The following NLGN1 variants were observed in gnomAD, a reference collection of about 807,000 sequenced individuals.
NLGN1 encodes the protein neuroligin-1.
Under a neutral mutation model 65.5 loss-of-function variants are expected in NLGN1, and 12 were observed. The observed-to-expected ratio is 0.18, with a 90% CI of 0.12 to 0.30. The LOEUF (loss-of-function observed/expected upper bound fraction) is 0.30. Among genes scored for constraint, NLGN1 ranks in the 10% least tolerant of loss-of-function variants. The pLI, the probability that NLGN1 is intolerant of heterozygous loss-of-function variation, is 1.00. For synonymous variants in NLGN1, 350 were observed against 359.5 expected (o/e 0.97, Z 0.30); for missense variants, 750 against 1,007.1 (o/e 0.74, Z 3.46).
intron 3 of NLGN1, among the ~76,000 whole-genome samples, chr3:173,671,476 GA>G (rs1762441055): frequency 6.6e-6 from 1 of 151,902 alleles, no homozygotes; most frequent in Non-Finnish European, 1.5e-5. Context: ...AGAAGAAGAA[GA>G]AAAAAGAATT....
chr3:173,450,257 G>C (rs1453517199), intron 2 of NLGN1, among the ~76,000 whole-genome samples: 1 of 152,036 alleles, frequency 6.6e-6, no homozygotes, highest in Non-Finnish European at 1.5e-5. Context: ...GGGCAGGCCT[G>C]GTGGTGACAA....
At chr3:173,960,900 C>T (rs1713390130) in intron 4 of NLGN1, among the ~76,000 whole-genome samples, 1 of 151,890 alleles carries the variant, frequency 6.6e-6, no homozygotes, top group Non-Finnish European at 1.5e-5. Context: ...ATATACTTTA[C>T]AGATTATCAA....
At chr3:174,185,411 A>G (rs980798042) in intron 4 of NLGN1, among the ~76,000 whole-genome samples, 2 of 152,122 alleles carry the variant, frequency 1.3e-5, no homozygotes, top group African/African-American at 4.8e-5. Context: ...AACGCTTGAA[A>G]TGTGGCTGAT....
intron 4 of NLGN1, among the ~76,000 whole-genome samples, chr3:173,919,630 A>C (rs1741536079): frequency 6.6e-6 from 1 of 152,186 alleles, no homozygotes; most frequent in Admixed American, 6.5e-5. Flanking sequence ...TCTGTCTATA[A>C]CTCATTGTAT....
At position 173,502,419 on chromosome 3, in the gene NLGN1, G is replaced by A. The variant is rs1347013488; in HGVS notation, c.-321+67341G>A. ...CAAATTAAGTTGATTTGAGGTTTGTGCTGTGTCAAGCTATGTATATAATAA... is the reference window on the plus strand; with the variant it reads ...CAAATTAAGTTGATTTGAGGTTTGTACTGTGTCAAGCTATGTATATAATAA... On this transcript the variant is annotated intron_variant, in intron 2 of 6. Coordinates refer to ENST00000457714, the Ensembl canonical transcript of NLGN1. 3.3e-5 allele frequency among the ~76,000 whole-genome samples: 5 copies of A among 152,204 alleles called. No individual in the cohort carries two copies. In the East Asian group the frequency reaches 9.7e-4, roughly 29 times the overall value.
intron 3 of NLGN1, among the ~76,000 whole-genome samples, chr3:173,627,030 C>T (rs1441428480): frequency 6.6e-6 from 1 of 152,072 alleles, no homozygotes; most frequent in African/African-American, 2.4e-5. Flanking sequence ...AAGACTGGCT[C>T]ATAAGTAAAC....
intron 3 of NLGN1, among the ~76,000 whole-genome samples, chr3:173,692,778 A>G (rs1019509762): frequency 6.6e-6 from 1 of 152,142 alleles, no homozygotes; most frequent in Non-Finnish European, 1.5e-5. Context: ...AGAAGTCTTT[A>G]GCTGCATTAC....
At chr3:173,656,424 A>T (rs769429737) in intron 3 of NLGN1, among the ~76,000 whole-genome samples, 5 of 152,110 alleles carry the variant, frequency 3.3e-5, no homozygotes, top group Admixed American at 6.6e-5. Context: ...AGCTTTTGCA[A>T]AACATACAGA....
At chr3:174,173,750 A>C (rs1728961235) in intron 4 of NLGN1, among the ~76,000 whole-genome samples, 1 of 151,362 alleles carries the variant, frequency 6.6e-6, no homozygotes, top group Non-Finnish European at 1.5e-5. Flanking sequence ...TCTTTAATTT[A>C]ATCAGCAAAA....
At chr3:173,718,319 GGT>G (rs1274939607) in intron 3 of NLGN1, among the ~76,000 whole-genome samples, 2 of 151,878 alleles carry the variant, frequency 1.3e-5, no homozygotes, top group African/African-American at 2.4e-5. Context: ...CTACCCTTCT[GGT>G]AACCATCATT....
At chr3:173,495,426 A>T (rs1729846150) in intron 2 of NLGN1, among the ~76,000 whole-genome samples, 2 of 151,590 alleles carry the variant, frequency 1.3e-5, no homozygotes, top group Non-Finnish European at 2.9e-5. Flanking sequence ...ATCATTAGGA[A>T]ATATAGGTGG....
At chr3:173,821,703 C>T (rs1720335889) in intron 4 of NLGN1, among the ~76,000 whole-genome samples, 1 of 152,056 alleles carries the variant, frequency 6.6e-6, no homozygotes, top group Non-Finnish European at 1.5e-5. Flanking sequence ...TTTACAGAGA[C>T]CACAGATCAG....
intron 2 of NLGN1, among the ~76,000 whole-genome samples, chr3:173,477,439 T>C (rs918947401): frequency 9.9e-5 from 15 of 152,108 alleles, no homozygotes; most frequent in African/African-American, 3.6e-4. Context: ...TCCTAACTAC[T>C]CAGGAGGCTG....
chr3:173,855,262 G>T (rs1026061601), intron 4 of NLGN1, among the ~76,000 whole-genome samples: 5 of 151,880 alleles, frequency 3.3e-5, no homozygotes, highest in African/African-American at 1.2e-4. Flanking sequence ...ATCTTTTAAA[G>T]GATAATTACA....
intron 4 of NLGN1, among the ~76,000 whole-genome samples, chr3:173,856,016 C>G (rs932298785): frequency 6.6e-6 from 1 of 152,086 alleles, no homozygotes; most frequent in Non-Finnish European, 1.5e-5. Context: ...GGACTTATTT[C>G]TCTCCTAAAA....
chr3:174,177,126 A>C lies in NLGN1; in HGVS notation c.647-98189A>C, dbSNP rs574640340. Among the ~76,000 whole-genome samples the C allele has an allele frequency of 2.0e-5, 3 of 152,244 alleles. No homozygotes were observed. In the South Asian group the frequency reaches 6.2e-4, roughly 32 times the overall value. On this transcript the variant is annotated intron_variant, in intron 4 of 6. Coordinates refer to ENST00000457714, the Ensembl canonical transcript of NLGN1. ...GCTCCTAGCTGTGCACAATACTCAA[A>C]ATTTGGAAACTATCTCAGAGATTTG...
chr3:173,478,217 G>A (rs1192298224), intron 2 of NLGN1, among the ~76,000 whole-genome samples: 1 of 152,198 alleles, frequency 6.6e-6, no homozygotes, highest in African/African-American at 2.4e-5. Context: ...GGAGTAGTAT[G>A]CAGGCATCAA....
intron 3 of NLGN1, among the ~76,000 whole-genome samples, chr3:173,719,128 C>T (rs975699816): frequency 9.9e-5 from 15 of 152,106 alleles, no homozygotes; most frequent in Non-Finnish European, 1.6e-4. Flanking sequence ...CAGTCCCTTG[C>T]CACTTGTTAG....
chr3:173,539,394 CAT>C lies in NLGN1; in HGVS notation c.-320-64878_-320-64877del, dbSNP rs199516174. ...TATATATGTGTATATATATAAAAAACATATATATGTTATATATTATATATGTT... is the reference window on the plus strand; with the variant it reads ...TATATATGTGTATATATATAAAAAACATATATGTTATATATTATATATGTT... On this transcript the variant is annotated intron_variant, in intron 2 of 6. Coordinates refer to ENST00000457714, the Ensembl canonical transcript of NLGN1. 8.0e-3 allele frequency among the ~76,000 whole-genome samples: 1,162 copies of C among 146,146 alleles called. 6 individuals carry two copies. Among genetic ancestry groups the C allele is most frequent in the African/African-American group, 0.013 (509 of 40,036 alleles).
Sources: allele counts gnomAD v4.1 joint callset (sites outside exome capture counted in the v4.1 genomes callset), GRCh38; gene constraint gnomAD v4.1.1; transcripts MANE v1.5; gene names NCBI Gene and HGNC (gene_info 2026-07-23, HGNC 2026-07-21).